Variants in MYPOP observed in about 807,000 individuals in gnomAD.
MYPOP encodes Myb related transcription factor, partner of profilin.
Under a neutral mutation model 25.7 loss-of-function variants are expected in MYPOP, and 21 were observed. That is an observed-to-expected ratio of 0.82 (90% CI 0.58 to 1.18). MYPOP has a LOEUF of 1.18. MYPOP is among the 50% of genes most tolerant of loss of function. The probability of loss-of-function intolerance (pLI) is 0.00; values close to 1 mark genes in which losing one functional copy is unlikely to be tolerated. For missense variants in MYPOP, 566 were observed against 588.3 expected (o/e 0.96, Z 0.39); for synonymous variants, 280 against 247.9 (o/e 1.13, Z -1.22).
rs553747857 is a variant in MYPOP at position 45,890,462 on chromosome 19, G to T, written c.*161C>A. On this transcript the variant is annotated 3_prime_UTR_variant, in exon 3 of 3. Transcript: ENST00000322217. ...GGGGTTGGGGGGGCCCATTACTGAG[G>T]CCCCCCCCAGAGAATCAGGCACTAA... is the stretch of plus-strand genomic sequence containing the variant. 9 of 1,206,068 alleles carry T rather than the reference G, an allele frequency of 7.5e-6. No individual in the cohort carries two copies. The East Asian group carries it at 2.0e-4, about 27-fold the overall frequency. 74.7% of individuals were successfully genotyped at this position (1,206,068 alleles called of 1,614,324 possible). A position where few individuals can be genotyped will look rare whatever the true frequency, so the allele number is the denominator to read the frequency against.
intron 2 of MYPOP, among the ~76,000 whole-genome samples, chr19:45,900,459 C>T (rs1040258266): frequency 1.1e-4 from 16 of 146,612 alleles, no homozygotes; most frequent in Non-Finnish European, 2.4e-4. Flanking sequence ...ACCCCCCCCC[C>T]CACCGAAATC....
chr19:45,890,645 C>T lies in MYPOP; in HGVS notation c.1178G>A (p.Arg393His), dbSNP rs897106324. ...ATTTCACGGAGATTTCCATCGGCCGCGCCTTTTCCGTGTAGGGAAACCTTT... is the reference window on the plus strand; with the variant it reads ...ATTTCACGGAGATTTCCATCGGCCGTGCCTTTTCCGTGTAGGGAAACCTTT... The part of the protein sequence containing the change: ...RRKGFPTRKR[R>H]GRWKSP The change falls in exon 3 of 3, where the codon CGC (arginine) becomes CAC (histidine). Residue 393 changes from arginine (R) to histidine (H), a missense_variant. By Grantham distance (29) the Arg-to-His change is conservative. Transcript: ENST00000322217. The T allele has an allele frequency of 1.2e-5, 19 of 1,610,594 alleles. No homozygotes were observed. Among genetic ancestry groups the T allele is most frequent in the East Asian group, 2.2e-5 (1 of 44,566 alleles).
Position 45,901,947 on chromosome 19 carries a change from C to G in MYPOP, c.-52-122G>C. The stretch of plus-strand genomic sequence containing the variant: ...GGCAGGAGTGGGGGCGGGGGGCGGG[C>G]GGGGGCGACGGGCACCCGGGTAAGT... On this transcript the variant is annotated intron_variant, in intron 1 of 2. Transcript: ENST00000322217. The surrounding 1 kb of genome is among the most constrained non-coding windows in gnomAD (Gnocchi z 5.7). 4.9e-6 allele frequency: 2 copies of G among 409,798 alleles called. No individual in the cohort carries two copies. Among genetic ancestry groups the G allele is most frequent in the Admixed American group, 4.7e-5 (1 of 21,182 alleles). 25.4% of individuals were successfully genotyped at this position (409,798 alleles called of 1,614,324 possible).
At position 45,890,462 on chromosome 19, in the gene MYPOP, G is replaced by GC. The variant is rs370431507; in HGVS notation, c.*160dup. Reference sequence around the variant, plus strand: ...GGGGTTGGGGGGGCCCATTACTGAGGCCCCCCCCAGAGAATCAGGCACTAA... The same window carrying GC: ...GGGGTTGGGGGGGCCCATTACTGAGGCCCCCCCCCAGAGAATCAGGCACTAA... On this transcript the variant is annotated 3_prime_UTR_variant, in exon 3 of 3. Transcript: ENST00000322217. The GC allele has an allele frequency of 1.9e-3, 2,323 of 1,201,386 alleles. 3 individuals are homozygous for GC. Among genetic ancestry groups the GC allele is most frequent in the Non-Finnish European group, 2.1e-3 (1,925 of 900,320 alleles). The allele number at this position is 1,201,386 out of a possible 1,614,324, so 74.4% of individuals were successfully genotyped here.
At position 45,890,592 on chromosome 19, in the gene MYPOP, G is replaced by A; in HGVS notation, c.*31C>T. On this transcript the variant is annotated 3_prime_UTR_variant, in exon 3 of 3. Coordinates refer to ENST00000322217, the MANE Select transcript of MYPOP (RefSeq NM_001012643.4). ...CTCGACTGCGCCAAGCTGGGGAGAG[G>A]GGTTGCAGGCAGGATCATAGATAGT... 6.2e-7 allele frequency: 1 copy of A among 1,608,308 alleles called. No individual in the cohort carries two copies.
In MYPOP at chr19:45,890,901, G is replaced by A. The variant is rs1475487901; in HGVS notation, c.922C>T (p.Pro308Ser). 1.3e-5 allele frequency: 18 copies of A among 1,438,332 alleles called. No homozygotes were observed. Among genetic ancestry groups the A allele is most frequent in the Admixed American group, 5.4e-5 (2 of 36,832 alleles). 89.1% of individuals were successfully genotyped at this position (1,438,332 alleles called of 1,614,324 possible). Reference protein sequence around the residue: ...LPGTPVDSLPPPLPPPPPPPP... With the variant: ...LPGTPVDSLPSPLPPPPPPPP... ...GGGGGTGGGGGTGGGGGCAGAGGTG[G>A]AGGCAGGGAGTCAACTGGGGTTCCT... Residue 308 changes from proline (P) to serine (S), a missense_variant, in exon 3 of 3, where the codon CCA becomes TCA. By Grantham distance (74) the Pro-to-Ser change is moderately conservative. Coordinates refer to ENST00000322217, the MANE Select transcript of MYPOP (RefSeq NM_001012643.4).
intron 2 of MYPOP, among the ~76,000 whole-genome samples, chr19:45,894,307 G>T (rs1967170839): frequency 6.6e-6 from 1 of 151,620 alleles, no homozygotes; most frequent in Non-Finnish European, 1.5e-5. Context: ...TAGAGACGGG[G>T]TTTCACCATG....
At chr19:45,892,057 T>C (rs1967134570) in intron 2 of MYPOP, among the ~76,000 whole-genome samples, 1 of 151,994 alleles carries the variant, frequency 6.6e-6, no homozygotes, top group Non-Finnish European at 1.5e-5. Flanking sequence ...GTAGCTGGGA[T>C]TACAGGCAGG....
At chr19:45,899,609 G>A (rs1967258180) in intron 2 of MYPOP, among the ~76,000 whole-genome samples, 1 of 152,154 alleles carries the variant, frequency 6.6e-6, no homozygotes, top group Admixed American at 6.6e-5. Context: ...GGAGGCCGAG[G>A]TGGGTGGATC....
chr19:45,898,480 C>T (rs568246961), intron 2 of MYPOP, among the ~76,000 whole-genome samples: 3 of 151,790 alleles, frequency 2.0e-5, no homozygotes, highest in East Asian at 2.0e-4. Flanking sequence ...TGCGCCACCA[C>T]GCGTGGCTAA....
At chr19:45,898,168 G>A (rs1308246698) in intron 2 of MYPOP, among the ~76,000 whole-genome samples, 3 of 149,656 alleles carry the variant, frequency 2.0e-5, no homozygotes, top group African/African-American at 7.4e-5. Context: ...CAGGTGATCC[G>A]CCCGCCTTGG....
intron 1 of MYPOP, among the ~76,000 whole-genome samples, chr19:45,902,073 T>G (rs1304128060): frequency 2.2e-5 from 3 of 138,390 alleles, no homozygotes; most frequent in South Asian, 2.3e-4. Flanking sequence ...TGGGGGAGGG[T>G]CTGGAGGGAT....
intron 2 of MYPOP, among the ~76,000 whole-genome samples, chr19:45,898,345 T>C (rs892098326): frequency 6.6e-6 from 1 of 150,906 alleles, no homozygotes; most frequent in Non-Finnish European, 1.5e-5. Flanking sequence ...TTTTTGAGAC[T>C]GAGTTTTGCT....
chr19:45,899,395 A>G (rs1266114409), intron 2 of MYPOP, among the ~76,000 whole-genome samples: 1 of 152,180 alleles, frequency 6.6e-6, no homozygotes, highest in African/African-American at 2.4e-5. Flanking sequence ...CAAGTTTCTG[A>G]AAAAATAAGT....
Position 45,890,308 on chromosome 19 carries a change from G to A in MYPOP, c.*315C>T, listed in dbSNP as rs1967097766. Reference sequence around the variant, plus strand: ...GTCAAGAACAGGAACTGTTAGGGAAGGGGAGATGTGCAGACCCGAGAGGTT... The same window carrying A: ...GTCAAGAACAGGAACTGTTAGGGAAAGGGAGATGTGCAGACCCGAGAGGTT... On this transcript the variant is annotated 3_prime_UTR_variant, in exon 3 of 3. Transcript: ENST00000322217. 3.5e-6 allele frequency: 1 copy of A among 283,888 alleles called. No individual in the cohort carries two copies. 17.6% of individuals were successfully genotyped at this position (283,888 alleles called of 1,614,324 possible). A position where few individuals can be genotyped will look rare whatever the true frequency, so the allele number is the denominator to read the frequency against.
At chr19:45,902,228 G>C in intron 1 of MYPOP, among the ~76,000 whole-genome samples, 1 of 113,376 alleles carries the variant, frequency 8.8e-6, no homozygotes. Context: ...CGGAAGGGGG[G>C]ATGCAGCAAG....
At chr19:45,894,584 T>A (rs1419291370) in intron 2 of MYPOP, among the ~76,000 whole-genome samples, 2 of 152,110 alleles carry the variant, frequency 1.3e-5, no homozygotes, top group East Asian at 3.8e-4. Flanking sequence ...AGGATAATTT[T>A]ATTTTTTTGT....
chr19:45,901,663 C>T lies in MYPOP; in HGVS notation c.111G>A (p.Pro37=), dbSNP rs903093296. The T allele has an allele frequency of 6.2e-7, 1 of 1,609,530 alleles. No homozygotes were observed. Among genetic ancestry groups the T allele is most frequent in the Non-Finnish European group, 8.5e-7 (1 of 1,178,914 alleles). Residue 37 remains proline (P), a synonymous_variant, in exon 2 of 3, where the codon CCG becomes CCA. Transcript: ENST00000322217. This position sits in a 1 kb window ranked among gnomAD's most constrained non-coding sequence, Gnocchi z 5.7. ...ILIREVRAHY[P]QLYGAQSRRV... ...GACGGCTCTGCGCGCCGTAGAGCTG[C>T]GGGTAGTGGGCGCGCACCTCGCGGA...
In MYPOP at chr19:45,901,456, C is replaced by T. The variant is rs1177675089; in HGVS notation, c.318G>A (p.Glu106=). The T allele has an allele frequency of 1.3e-6, 2 of 1,596,848 alleles. No individual in the cohort carries two copies. The highest frequency in any genetic ancestry group is 1.7e-6 in the Non-Finnish European group (2 of 1,171,640). ...TCTCCTCTTCCGCGGAGAAAGCGTCCTCCGCGGCGGGCCCGGCGCCCTGCG... is the reference window on the plus strand; with the variant it reads ...TCTCCTCTTCCGCGGAGAAAGCGTCTTCCGCGGCGGGCCCGGCGCCCTGCG... ...HSTQGAGPAA[E]DAFSAEEETI... Residue 106 remains glutamate, a synonymous_variant, in exon 2 of 3, where the codon GAG becomes GAA. Coordinates refer to ENST00000322217, the MANE Select transcript of MYPOP (RefSeq NM_001012643.4). This position sits in a 1 kb window ranked among gnomAD's most constrained non-coding sequence, Gnocchi z 5.7.
Sources: allele counts gnomAD v4.1 joint callset (sites outside exome capture counted in the v4.1 genomes callset), GRCh38; gene constraint gnomAD v4.1.1; non-coding constraint Gnocchi (gnomAD v3.1); transcripts MANE v1.5; gene names NCBI Gene and HGNC (gene_info 2026-07-23, HGNC 2026-07-21).